RPH3A: variants seen among roughly 807,000 people sequenced by gnomAD.
RPH3A encodes rabphilin-3A.
Under a neutral mutation model 102.2 loss-of-function variants are expected in RPH3A, and 48 were observed. That is an observed-to-expected ratio of 0.47 (90% confidence interval 0.37 to 0.60). The LOEUF (loss-of-function observed/expected upper bound fraction) is 0.60. Ranked by LOEUF, RPH3A falls within the 20% of genes least tolerant of loss-of-function variation. The probability of loss-of-function intolerance (pLI) is 0.00; values close to 1 mark genes in which losing one functional copy is unlikely to be tolerated. For synonymous variants in RPH3A, 310 were observed against 324.3 expected (o/e 0.96, Z 0.47); for missense variants, 781 against 910.1 (o/e 0.86, Z 1.83).
intron 3 of RPH3A, among the ~76,000 whole-genome samples, chr12:112,829,391 C>A (rs1004303714): frequency 1.3e-5 from 2 of 152,004 alleles, no homozygotes; most frequent in Non-Finnish European, 2.9e-5. Flanking sequence ...TTGTCTCAGC[C>A]TCCTGAGTAG....
chr12:112,879,800 C>T (rs1461299240), intron 14 of RPH3A, among the ~76,000 whole-genome samples: 1 of 152,214 alleles, frequency 6.6e-6, no homozygotes, highest in Non-Finnish European at 1.5e-5. Context: ...AGCCCCAAGC[C>T]TGGTCCACAC....
At chr12:112,799,276 T>C (rs2041294332) in intron 2 of RPH3A, among the ~76,000 whole-genome samples, 1 of 152,052 alleles carries the variant, frequency 6.6e-6, no homozygotes, top group Non-Finnish European at 1.5e-5. Flanking sequence ...TAGTCCCAGC[T>C]ACTTGGGAGG....
chr12:112,887,019 A>G (rs2043012525), intron 16 of RPH3A, among the ~76,000 whole-genome samples: 1 of 152,212 alleles, frequency 6.6e-6, no homozygotes, highest in East Asian at 1.9e-4. Flanking sequence ...GTCAAAGAGA[A>G]TAAAGAGTGA....
At position 112,857,348 on chromosome 12, in the gene RPH3A, C is replaced by T. The variant is rs371586267; in HGVS notation, c.231-8066C>T. Among the ~76,000 whole-genome samples, 6 of 152,302 alleles carry T rather than the reference C, an allele frequency of 3.9e-5. No individual in the cohort carries two copies. The South Asian group carries it at 6.2e-4, about 16-fold the overall frequency. On this transcript the variant is annotated intron_variant, in intron 5 of 21. Transcript: ENST00000389385. The stretch of plus-strand genomic sequence containing the variant: ...ATCCCTGGAGCTTGTGCATATGTTA[C>T]CTCCAGTGGCAAAAGGGTCTTTGCA...
intron 1 of RPH3A, among the ~76,000 whole-genome samples, chr12:112,641,431 A>G (rs1456564356): frequency 6.6e-6 from 1 of 152,128 alleles, no homozygotes; most frequent in Non-Finnish European, 1.5e-5. Context: ...ATCTGTCACC[A>G]GCTCTGTCAG....
chr12:112,642,410 A>G lies in RPH3A; in HGVS notation c.-140+67091A>G, dbSNP rs528081203. Among the ~76,000 whole-genome samples, 20 of 152,348 alleles carry G rather than the reference A, an allele frequency of 1.3e-4. No individual in the cohort carries two copies. The South Asian group carries it at 3.7e-3, about 28-fold the overall frequency. ...ATACCCAGCTAGATTTGAGTTTTCT[A>G]TAACAAATACATTTTTAGTTTAAGT... On this transcript the variant is annotated intron_variant, in intron 1 of 21. Coordinates refer to the RPH3A transcript ENST00000543106.
chr12:112,849,408 AGT>A (rs35635799), intron 5 of RPH3A, among the ~76,000 whole-genome samples: 4,029 of 146,544 alleles, frequency 0.027, 103 homozygotes, highest in African/African-American at 0.07. Flanking sequence ...CCAGACTGGC[AGT>A]GTGTGTGTGT....
chr12:112,678,682 A>G (rs887204298), intron 1 of RPH3A, among the ~76,000 whole-genome samples: 13 of 152,150 alleles, frequency 8.5e-5, no homozygotes, highest in African/African-American at 3.1e-4. Context: ...AAGAAACCTG[A>G]CGCAGGATTT....
intron 1 of RPH3A, among the ~76,000 whole-genome samples, chr12:112,635,244 G>T (rs1331931027): frequency 6.6e-6 from 1 of 152,172 alleles, no homozygotes; most frequent in Non-Finnish European, 1.5e-5. Context: ...ACAGAAACAG[G>T]GTTTGGATTG....
chr12:112,779,707 C>T (rs1445795623), intron 1 of RPH3A, among the ~76,000 whole-genome samples: 1 of 152,158 alleles, frequency 6.6e-6, no homozygotes, highest in Non-Finnish European at 1.5e-5. Flanking sequence ...CACACCTCCA[C>T]TGTATGGAGG....
intron 1 of RPH3A, among the ~76,000 whole-genome samples, chr12:112,775,230 C>A (rs1477792309): frequency 4.6e-5 from 7 of 151,370 alleles, no homozygotes; most frequent in Admixed American, 3.9e-4. Context: ...AACAAAAAAT[C>A]AAAAAAAAGT....
At chr12:112,720,093 T>G (rs2040540837) in intron 1 of RPH3A, among the ~76,000 whole-genome samples, 1 of 152,258 alleles carries the variant, frequency 6.6e-6, no homozygotes, top group African/African-American at 2.4e-5. Context: ...AATCTCTTTG[T>G]TATGGCAGAG....
intron 1 of RPH3A, among the ~76,000 whole-genome samples, chr12:112,720,780 T>C (rs1435193389): frequency 1.3e-5 from 2 of 152,210 alleles, no homozygotes; most frequent in Non-Finnish European, 2.9e-5. Context: ...GGTATCATAT[T>C]GAGCAAGTCA....
intron 1 of RPH3A, among the ~76,000 whole-genome samples, chr12:112,590,395 G>C (rs920478087): frequency 6.6e-6 from 1 of 152,200 alleles, no homozygotes; most frequent in Non-Finnish European, 1.5e-5. Flanking sequence ...CAGTGACCTT[G>C]AGCAGGTCCT....
At chr12:112,678,287 AAGAAAGAAAGAAAGAAAGAG>A (rs2040198485) in intron 1 of RPH3A, among the ~76,000 whole-genome samples, 7 of 35,642 alleles carry the variant, frequency 2.0e-4, no homozygotes, top group South Asian at 1.5e-3. Context: ...GAAAGAAAGA[AAGAAAGAAAGAAAGAAAGAG>A]AGAGAGAGAG....
intron 16 of RPH3A, among the ~76,000 whole-genome samples, chr12:112,884,553 T>G (rs1279292530): frequency 6.6e-6 from 1 of 152,218 alleles, no homozygotes; most frequent in Admixed American, 6.5e-5. Context: ...AGCTTTTTTC[T>G]ATTACAAACA....
At position 112,891,016 on chromosome 12, in the gene RPH3A, C is replaced by T; in HGVS notation, c.1775+13C>T. ...CATTCGTCAAGCTGTAAGTCAATGCCTTGGGGCTACAGGTGGGCCCTGAAG... is the reference window on the plus strand; with the variant it reads ...CATTCGTCAAGCTGTAAGTCAATGCTTTGGGGCTACAGGTGGGCCCTGAAG... On this transcript the variant is annotated intron_variant, in intron 19 of 21. Coordinates refer to ENST00000389385, the MANE Select transcript of RPH3A (RefSeq NM_001143854.2). 1 of 1,613,952 alleles carries T rather than the reference C, an allele frequency of 6.2e-7. No individual in the cohort carries two copies. The highest frequency in any genetic ancestry group is 8.5e-7 in the Non-Finnish European group (1 of 1,179,912).
At chr12:112,887,369 G>A (rs1045832281) in intron 16 of RPH3A, among the ~76,000 whole-genome samples, 3 of 152,202 alleles carry the variant, frequency 2.0e-5, no homozygotes, top group African/African-American at 4.8e-5. Flanking sequence ...AGCAAGAGAA[G>A]CCAACATAAA....
rs896294439 is a variant in RPH3A at position 112,866,050 on chromosome 12, C to T, written c.360+507C>T. Among the ~76,000 whole-genome samples, 3 of 152,164 alleles carry T rather than the reference C, an allele frequency of 2.0e-5. No individual in the cohort carries two copies. The East Asian group carries it at 5.8e-4, about 29-fold the overall frequency. ...AACTCTGTTCACCCTCTAACCTTTC[C>T]TTAAACTGTCTGCACTTGACAGTTT... On this transcript the variant is annotated intron_variant, in intron 6 of 21. Transcript: ENST00000389385.
Sources: allele counts gnomAD v4.1 joint callset (sites outside exome capture counted in the v4.1 genomes callset), GRCh38; gene constraint gnomAD v4.1.1; transcripts MANE v1.5; gene names NCBI Gene and HGNC (gene_info 2026-07-23, HGNC 2026-07-21).